Variants in SUCLG2 observed in about 807,000 individuals in gnomAD.
SUCLG2 encodes succinate--CoA ligase [GDP-forming] subunit beta, mitochondrial.
SUCLG2 carries 42 observed loss-of-function variants against 47.9 expected under a neutral mutation model. The observed-to-expected ratio is 0.88, with a 90% CI of 0.69 to 1.14. The LOEUF is 1.14. SUCLG2 is among the 50% of genes most tolerant of loss of function. The pLI, the probability that SUCLG2 is intolerant of heterozygous loss-of-function variation, is 0.00. For missense variants in SUCLG2, 571 were observed against 525.9 expected, an observed-to-expected ratio of 1.09 and a Z score of -0.84; for synonymous variants, 195 against 197.3, an observed-to-expected ratio of 0.99 and a Z score of 0.10.
chr3:67,556,325 T>G (rs1559570446), intron 2 of SUCLG2, among the ~76,000 whole-genome samples: 1 of 152,130 alleles, frequency 6.6e-6, no homozygotes, highest in African/African-American at 2.4e-5. Flanking sequence ...TGAATGCTGA[T>G]GGTGTAGGAG....
rs1383801696 is a variant in SUCLG2 at position 67,523,492 on chromosome 3, C to T, written c.418-2858G>A. On this transcript the variant is annotated intron_variant, in intron 4 of 10. Transcript: ENST00000307227. The stretch of plus-strand genomic sequence containing the variant: ...CTCCCAGTCTTCAGGTTGCTTGAAA[C>T]CGTAAATTCTTTCAGAATTTCTGAT... Among the ~76,000 whole-genome samples the T allele has an allele frequency of 2.0e-5, 3 of 152,124 alleles. No individual in the cohort carries two copies. The East Asian group carries it at 5.8e-4, about 29-fold the overall frequency.
Position 67,528,261 on chromosome 3 carries a change from T to C in SUCLG2, c.327-39A>G, listed in dbSNP as rs371350273. 35 of 1,573,056 alleles carry C rather than the reference T, an allele frequency of 2.2e-5. 1 individual carries two copies. The South Asian group carries it at 3.2e-4, about 15-fold the overall frequency. On this transcript the variant is annotated intron_variant, in intron 3 of 10. Transcript: ENST00000307227. ...AAAACAAGCAGAAAATGAATGTTTG[T>C]TGAAAATCATTTAAATGAGAGTCCT...
At chr3:67,394,525 A>C (rs1207775531) in intron 10 of SUCLG2, among the ~76,000 whole-genome samples, 3 of 150,904 alleles carry the variant, frequency 2.0e-5, no homozygotes, top group African/African-American at 7.3e-5. Context: ...GACTATGTGA[A>C]AAGATCAAAT....
chr3:67,485,788 C>T (rs574713487), intron 9 of SUCLG2, among the ~76,000 whole-genome samples: 341 of 152,238 alleles, frequency 2.2e-3, no homozygotes, highest in African/African-American at 7.8e-3. Flanking sequence ...TTAACTGAAA[C>T]GTTGAAAAAC....
chr3:67,438,293 C>A (rs950567987), intron 9 of SUCLG2, among the ~76,000 whole-genome samples: 3 of 151,896 alleles, frequency 2.0e-5, no homozygotes, highest in Admixed American at 6.6e-5. Context: ...GACCTAAAAT[C>A]GACACCCTCA....
At chr3:67,610,668 T>C (rs1700512430) in intron 1 of SUCLG2, among the ~76,000 whole-genome samples, 1 of 152,138 alleles carries the variant, frequency 6.6e-6, no homozygotes, top group Non-Finnish European at 1.5e-5. Flanking sequence ...ACAAGACTGG[T>C]AGTACATGGA....
intron 1 of SUCLG2, among the ~76,000 whole-genome samples, chr3:67,617,052 C>T (rs116158528): frequency 0.013 from 1,935 of 152,150 alleles, 47 homozygotes; most frequent in African/African-American, 0.042. Context: ...AAATTAGCAC[C>T]GATAAATCTA....
chr3:67,650,754 C>A (rs1376014658), intron 1 of SUCLG2, among the ~76,000 whole-genome samples: 7 of 150,356 alleles, frequency 4.7e-5, no homozygotes, highest in African/African-American at 1.7e-4. Flanking sequence ...GACTCTCTTT[C>A]AAAAAAAAAG....
chr3:67,360,741 T>A lies in SUCLG2; in HGVS notation c.1211A>T (p.Tyr404Phe), dbSNP rs1033464694. 12 of 1,523,602 alleles carry A rather than the reference T, an allele frequency of 7.9e-6. No homozygotes were observed. Among genetic ancestry groups the A allele is most frequent in the African/African-American group, 2.8e-5 (2 of 72,334 alleles). 94.4% of individuals were successfully genotyped at this position (1,523,602 alleles called of 1,614,324 possible). Residue 404 changes from tyrosine to phenylalanine, a missense_variant, in exon 11 of 11, where the codon TAT becomes TTT. By Grantham distance (22) the Tyr-to-Phe change is conservative. Coordinates refer to the SUCLG2 transcript ENST00000493112. Reference sequence around the variant, plus strand: ...TCCTGTTTCTTGTTTTATGTGCATATAACTTCCTTTTTTTTCCATAAAAGT... The same window carrying A: ...TCCTGTTTCTTGTTTTATGTGCATAAAACTTCCTTTTTTTTCCATAAAAGT...
chr3:67,438,546 A>G (rs927063646), intron 9 of SUCLG2, among the ~76,000 whole-genome samples: 1 of 152,190 alleles, frequency 6.6e-6, no homozygotes, highest in African/African-American at 2.4e-5. Flanking sequence ...GAAAAATGAT[A>G]AAAGGGAGAT....
chr3:67,361,615 C>A (rs80336765), intron 10 of SUCLG2, among the ~76,000 whole-genome samples: 2 of 152,030 alleles, frequency 1.3e-5, no homozygotes, highest in African/African-American at 4.8e-5. Context: ...CAGCCTGCAG[C>A]GACTAAAATG....
At chr3:67,451,372 T>G (rs1346149830) in intron 9 of SUCLG2, among the ~76,000 whole-genome samples, 1 of 152,182 alleles carries the variant, frequency 6.6e-6, no homozygotes, top group Non-Finnish European at 1.5e-5. Context: ...ACTGAAATAT[T>G]AGGTCTTCGT....
intron 1 of SUCLG2, among the ~76,000 whole-genome samples, 175 bp from the exon 2 acceptor site, chr3:67,609,771 A>G (rs1327095272): frequency 6.6e-6 from 1 of 152,222 alleles, no homozygotes; most frequent in African/African-American, 2.4e-5. Flanking sequence ...TTTTTAACAA[A>G]AACTGTTAAG....
chr3:67,476,290 C>T (rs962722344), intron 9 of SUCLG2, among the ~76,000 whole-genome samples: 7 of 151,930 alleles, frequency 4.6e-5, no homozygotes, highest in African/African-American at 7.3e-5. Context: ...CCCCATGGCT[C>T]GCATTACCAC....
At chr3:67,575,474 G>C (rs1449431113) in intron 2 of SUCLG2, among the ~76,000 whole-genome samples, 1 of 152,150 alleles carries the variant, frequency 6.6e-6, no homozygotes, top group Non-Finnish European at 1.5e-5. Flanking sequence ...GTCCAGAAAA[G>C]GCAAACTTAG....
intron 1 of SUCLG2, among the ~76,000 whole-genome samples, chr3:67,633,920 C>T (rs954869460): frequency 3.9e-5 from 6 of 152,008 alleles, no homozygotes; most frequent in Non-Finnish European, 7.4e-5. Context: ...ATTTTGTCCA[C>T]AAGTTATCAC....
At chr3:67,368,247 G>C (rs1174060852) in intron 10 of SUCLG2, among the ~76,000 whole-genome samples, 2 of 152,148 alleles carry the variant, frequency 1.3e-5, no homozygotes, top group Non-Finnish European at 2.9e-5. Context: ...TGCATGTTTA[G>C]TCAAGGAACC....
chr3:67,650,660 G>A (rs1440542338), intron 1 of SUCLG2, among the ~76,000 whole-genome samples: 1 of 152,106 alleles, frequency 6.6e-6, no homozygotes, highest in African/African-American at 2.4e-5. Flanking sequence ...AGGAAGCCGA[G>A]GCAGGAGAAT....
chr3:67,595,608 G>C (rs1367908521), intron 2 of SUCLG2, among the ~76,000 whole-genome samples: 1 of 152,334 alleles, frequency 6.6e-6, no homozygotes, highest in East Asian at 1.9e-4. Flanking sequence ...TTTGGGCTTG[G>C]AAGCAAAGGC....
Sources: allele counts gnomAD v4.1 joint callset (sites outside exome capture counted in the v4.1 genomes callset), GRCh38; gene constraint gnomAD v4.1.1; transcripts MANE v1.5; gene names NCBI Gene and HGNC (gene_info 2026-07-23, HGNC 2026-07-21).